DCDC1: variants seen among roughly 807,000 people sequenced by gnomAD.
DCDC1 encodes doublecortin domain-containing protein 1.
Under a neutral mutation model 178.3 loss-of-function variants are expected in DCDC1, and 200 were observed. The observed-to-expected ratio is 1.12, with a 90% CI of 1.00 to 1.26. DCDC1 has a LOEUF of 1.26. DCDC1 is among the 50% of genes most tolerant of loss of function. DCDC1 has a pLI of 0.00. For missense variants in DCDC1, 1,983 were observed against 1,749.2 expected, an observed-to-expected ratio of 1.13 and a Z score of -2.38; for synonymous variants, 690 against 604.8, an observed-to-expected ratio of 1.14 and a Z score of -2.07.
At chr11:31,006,226 GAC>G (rs1951839053) in intron 20 of DCDC1, among the ~76,000 whole-genome samples, 1 of 151,942 alleles carries the variant, frequency 6.6e-6, no homozygotes, top group South Asian at 2.1e-4. Context: ...TTAGCTTGAT[GAC>G]ACCACACAAT....
intron 20 of DCDC1, among the ~76,000 whole-genome samples, chr11:31,026,568 C>T (rs1387948634): frequency 6.6e-6 from 1 of 151,782 alleles, no homozygotes; most frequent in Non-Finnish European, 1.5e-5. Flanking sequence ...CTTATGAAAA[C>T]TAACATGCCA....
intron 22 of DCDC1, among the ~76,000 whole-genome samples, chr11:30,928,647 A>G (rs1273699518): frequency 0.01 from 1 of 98 alleles, no homozygotes; most frequent in Non-Finnish European, 0.031. Flanking sequence ...TTTGCCCTAA[A>G]GTAATCTCTT....
chr11:31,151,025 G>A (rs926344350), intron 9 of DCDC1, among the ~76,000 whole-genome samples: 15 of 152,184 alleles, frequency 9.9e-5, no homozygotes, highest in Admixed American at 2.0e-4. Flanking sequence ...AGAGAAAAGG[G>A]TGGGATACTC....
chr11:31,185,768 T>A (rs764438453), intron 9 of DCDC1, among the ~76,000 whole-genome samples: 2 of 152,096 alleles, frequency 1.3e-5, no homozygotes, highest in Non-Finnish European at 2.9e-5. Flanking sequence ...AAGGCTAGAG[T>A]TGCCATGCAA....
intron 23 of DCDC1, among the ~76,000 whole-genome samples, chr11:30,923,670 G>A (rs1946408280): frequency 6.6e-6 from 1 of 151,410 alleles, no homozygotes; most frequent in African/African-American, 2.4e-5. Context: ...CCAAGCTGGA[G>A]TGCAGTGGCA....
chr11:31,340,144 G>T lies in DCDC1; in HGVS notation c.-124-4580C>A, dbSNP rs374225209. Among the ~76,000 whole-genome samples, 99 of 152,044 alleles carry T rather than the reference G, an allele frequency of 6.5e-4. 1 individual carries two copies. In the East Asian group the frequency reaches 0.016, roughly 24 times the overall value. On this transcript the variant is annotated intron_variant, in intron 1 of 38. Transcript: ENST00000684477. ...CAGAGGTCTGGTTTCCTTTACCCAG[G>T]GATGATACACGGGGCCTTTTTGCAT...
intron 9 of DCDC1, among the ~76,000 whole-genome samples, chr11:31,141,036 T>C (rs1334907386): frequency 2.6e-5 from 4 of 152,088 alleles, no homozygotes; most frequent in African/African-American, 9.7e-5. Context: ...ATGGACATCC[T>C]AGAGGGGAAA....
At chr11:31,364,003 T>C (rs1289935366) in intron 1 of DCDC1, among the ~76,000 whole-genome samples, 4 of 152,150 alleles carry the variant, frequency 2.6e-5, no homozygotes, top group South Asian at 2.1e-4. Flanking sequence ...CTCATGATGC[T>C]GGGCAGTGGC....
intron 3 of DCDC1, among the ~76,000 whole-genome samples, chr11:31,327,094 T>A (rs1213072795): frequency 6.6e-6 from 1 of 152,176 alleles, no homozygotes; most frequent in Non-Finnish European, 1.5e-5. Flanking sequence ...AATAAACCTC[T>A]CTCTGCCTTT....
intron 20 of DCDC1, among the ~76,000 whole-genome samples, chr11:31,000,864 GAAAA>G (rs1185040145): frequency 1.3e-5 from 2 of 151,332 alleles, no homozygotes; most frequent in African/African-American, 4.9e-5. Context: ...GTTAGAAAAA[GAAAA>G]AAAAGTCCCA....
At chr11:31,028,091 AAAAC>A (rs1299419961) in intron 20 of DCDC1, among the ~76,000 whole-genome samples, 1 of 151,954 alleles carries the variant, frequency 6.6e-6, no homozygotes, top group Non-Finnish European at 1.5e-5. Context: ...TATAGTCTGT[AAAAC>A]AAAATATTAT....
At chr11:30,907,799 A>G (rs953171892) in intron 29 of DCDC1, among the ~76,000 whole-genome samples, 2 of 152,164 alleles carry the variant, frequency 1.3e-5, no homozygotes, top group African/African-American at 2.4e-5. Flanking sequence ...CCCCAGCTCT[A>G]ATCGCCGGCT....
intron 9 of DCDC1, among the ~76,000 whole-genome samples, chr11:31,204,450 T>G (rs1181882116): frequency 2.6e-5 from 4 of 151,792 alleles, no homozygotes; most frequent in Admixed American, 2.6e-4. Context: ...GGGATATACA[T>G]TCCATATTCC....
chr11:31,017,157 A>G (rs1952531645), intron 20 of DCDC1, among the ~76,000 whole-genome samples: 1 of 152,250 alleles, frequency 6.6e-6, no homozygotes, highest in African/African-American at 2.4e-5. Flanking sequence ...GCTAAAGAAT[A>G]AAGCAGTATT....
Position 31,064,627 on chromosome 11 carries a change from C to G in DCDC1, c.2434-1G>C, listed in dbSNP as rs1187014528. The G allele has an allele frequency of 5.2e-6, 4 of 765,170 alleles. No homozygotes were observed. The African/African-American group carries it at 6.8e-5, about 13-fold the overall frequency. 47.4% of individuals were successfully genotyped at this position (765,170 alleles called of 1,614,324 possible). A position where few individuals can be genotyped will look rare whatever the true frequency, so the allele number is the denominator to read the frequency against. ...GGTTGCTGGCACTTTCTTGCAGAAC[C>G]TAATAAATGAAATATAGGAATCATG... On this transcript the variant is annotated splice_acceptor_variant, in intron 19 of 38. Transcript: ENST00000684477. LOFTEE classifies it high-confidence loss of function.
At chr11:31,225,540 T>C (rs1974824754) in intron 9 of DCDC1, among the ~76,000 whole-genome samples, 1 of 151,000 alleles carries the variant, frequency 6.6e-6, no homozygotes, top group Non-Finnish European at 1.5e-5. Flanking sequence ...AGAATAACAA[T>C]ATATACATAT....
intron 18 of DCDC1, among the ~76,000 whole-genome samples, chr11:31,076,325 G>T (rs965574173): frequency 6.6e-6 from 1 of 151,840 alleles, no homozygotes; most frequent in African/African-American, 2.4e-5. Context: ...ATTTCCAGTT[G>T]TTCTGTTTAC....
At chr11:31,213,446 C>T (rs979060275) in intron 9 of DCDC1, among the ~76,000 whole-genome samples, 5 of 151,694 alleles carry the variant, frequency 3.3e-5, no homozygotes, top group Admixed American at 6.6e-5. Context: ...CAGCAGGGGG[C>T]GGTGGCTTAT....
intron 36 of DCDC1, among the ~76,000 whole-genome samples, chr11:30,890,335 G>A (rs780248947): frequency 3.3e-5 from 5 of 152,092 alleles, no homozygotes; most frequent in Admixed American, 6.6e-5. Flanking sequence ...TATTTAATAC[G>A]CTTTATGAAT....
Sources: allele counts gnomAD v4.1 joint callset (sites outside exome capture counted in the v4.1 genomes callset), GRCh38; gene constraint gnomAD v4.1.1; transcripts MANE v1.5; gene names NCBI Gene and HGNC (gene_info 2026-07-23, HGNC 2026-07-21).